MAGT1: variants seen among roughly 807,000 people sequenced by gnomAD.
The protein encoded by MAGT1 is dolichyl-diphosphooligosaccharide--protein glycosyltransferase subunit MAGT1.
In MAGT1, 4 loss-of-function variants were observed where a neutral mutation model predicts 28.4. That is an observed-to-expected ratio of 0.14 (90% CI 0.07 to 0.32). The LOEUF (loss-of-function observed/expected upper bound fraction) is 0.32. MAGT1 is among the 10% of genes least tolerant of loss of function. The probability of loss-of-function intolerance (pLI) is 1.00; values close to 1 mark genes in which losing one functional copy is unlikely to be tolerated. For missense variants in MAGT1, 193 were observed against 264.5 expected, an observed-to-expected ratio of 0.73 and a Z score of 1.88; for synonymous variants, 89 against 89.7, an observed-to-expected ratio of 0.99 and a Z score of 0.04.
chrX:77,881,587 C>A (rs1557218454), intron 1 of MAGT1, among the ~76,000 whole-genome samples: 1 of 110,365 alleles, frequency 9.1e-6, no homozygotes, highest in African/African-American at 3.3e-5. Context: ...CTACAAAGGA[C>A]ATGAACTCAT....
chrX:77,850,198 G>A (rs918979638), intron 7 of MAGT1, among the ~76,000 whole-genome samples: 4 of 110,836 alleles, frequency 3.6e-5, no homozygotes, highest in African/African-American at 1.3e-4. Flanking sequence ...AGTGGGGGCC[G>A]GGTGAGGTGG....
chrX:77,857,295 C>T, intron 4 of MAGT1, 62 bp downstream of exon 4: 3 of 1,190,197 alleles, frequency 2.5e-6, no homozygotes, highest in Non-Finnish European at 2.3e-6. Context: ...TAATTAGGGC[C>T]TCCCAGTAAG....
In MAGT1 at chrX:77,877,827, TAAAA is replaced by T. The variant is rs2077039890; in HGVS notation, c.103-2234_103-2231del. 8.6e-5 allele frequency among the ~76,000 whole-genome samples: 8 copies of T among 92,809 alleles called. No individual in the cohort carries two copies. The Admixed American group carries it at 9.8e-4, about 11-fold the overall frequency. 80.6% of individuals were successfully genotyped at this position (92,809 alleles called of 115,157 possible). The stretch of plus-strand genomic sequence containing the variant: ...GACTCTGTCTCAAAATAAAATAAAA[TAAAA>T]TAAAATAAAATAAAATAAAATAAAA... On this transcript the variant is annotated intron_variant, in intron 1 of 9. Coordinates refer to ENST00000618282, the MANE Select transcript of MAGT1 (RefSeq NM_001367916.1).
At chrX:77,883,174 AAGTCTTTGCTATTGTGAGTAGTGC>A (rs2077057960) in intron 1 of MAGT1, among the ~76,000 whole-genome samples, 2 of 103,116 alleles carry the variant, frequency 1.9e-5, no homozygotes, top group African/African-American at 7.0e-5. Context: ...GGTTGGTTCC[AAGTCTTTGCTATTGTGAGTAGTGC>A]CGCAGTAAAC....
intron 6 of MAGT1, among the ~76,000 whole-genome samples, chrX:77,855,056 G>A (rs1213992190): frequency 9.0e-6 from 1 of 111,716 alleles, no homozygotes; most frequent in African/African-American, 3.2e-5. Context: ...CTGCAGGCCT[G>A]TATTCCCAGC....
At chrX:77,890,183 A>T (rs1043996019) in intron 1 of MAGT1, among the ~76,000 whole-genome samples, 2 of 112,503 alleles carry the variant, frequency 1.8e-5, no homozygotes, top group Admixed American at 9.5e-5. Context: ...GGGTTTATTC[A>T]TAAAAATTCT....
At chrX:77,841,978 C>T (rs1366819492) in intron 7 of MAGT1, among the ~76,000 whole-genome samples, 1 of 106,897 alleles carries the variant, frequency 9.4e-6, no homozygotes, top group African/African-American at 3.4e-5. Flanking sequence ...GTGTGAATGA[C>T]CACGCCCAGC....
chrX:77,830,101 C>T (rs1324556879), intron 9 of MAGT1, among the ~76,000 whole-genome samples: 5 of 112,160 alleles, frequency 4.5e-5, no homozygotes, highest in Non-Finnish European at 9.4e-5. Flanking sequence ...GCAGGAGACT[C>T]GCTTGATGCC....
intron 1 of MAGT1, chrX:77,885,730 C>A (rs1001702884): frequency 1.1e-4 from 12 of 110,424 alleles, no homozygotes; most frequent in Non-Finnish European, 2.1e-4. Flanking sequence ...GCCTGTAATC[C>A]CAGCACTTTG....
chrX:77,889,002 G>C (rs782543486), intron 1 of MAGT1, among the ~76,000 whole-genome samples: 14 of 108,629 alleles, frequency 1.3e-4, no homozygotes, highest in African/African-American at 4.3e-4. Context: ...TTGGGACAGG[G>C]TCTGGCTCTG....
intron 7 of MAGT1, among the ~76,000 whole-genome samples, chrX:77,842,066 G>C (rs2076936557): frequency 9.2e-6 from 1 of 108,706 alleles, no homozygotes; most frequent in Admixed American, 1.0e-4. Context: ...AGGGAGAACA[G>C]TAACTACTTT....
intron 7 of MAGT1, among the ~76,000 whole-genome samples, chrX:77,842,174 C>T (rs782731600): frequency 9.1e-5 from 10 of 110,355 alleles, no homozygotes; most frequent in Non-Finnish European, 1.7e-4. Context: ...GGGCCGATTG[C>T]TTAAGTCTGG....
chrX:77,886,206 C>T (rs1557218999), intron 1 of MAGT1, among the ~76,000 whole-genome samples: 1 of 111,797 alleles, frequency 8.9e-6, no homozygotes, highest in Admixed American at 9.6e-5. Flanking sequence ...AAAATCATTA[C>T]TGATCAAAAT....
chrX:77,833,156 A>G (rs2076903961), intron 8 of MAGT1, among the ~76,000 whole-genome samples: 1 of 112,407 alleles, frequency 8.9e-6, no homozygotes, highest in Admixed American at 9.6e-5. Flanking sequence ...TCATCACAAT[A>G]GTCTATTTCA....
chrX:77,879,718 G>T (rs1557218219), intron 1 of MAGT1, among the ~76,000 whole-genome samples: 2 of 110,242 alleles, frequency 1.8e-5, no homozygotes, highest in African/African-American at 6.6e-5. Flanking sequence ...TGACTGACTT[G>T]CTTACATTAA....
intron 2 of MAGT1, among the ~76,000 whole-genome samples, chrX:77,871,306 A>C (rs2077019887): frequency 8.9e-6 from 1 of 112,803 alleles, no homozygotes; most frequent in Admixed American, 9.5e-5. Flanking sequence ...GTATTCCCTA[A>C]AGAAAGCAGA....
intron 1 of MAGT1, among the ~76,000 whole-genome samples, chrX:77,886,503 C>A (rs1367903543): frequency 9.1e-6 from 1 of 109,969 alleles, no homozygotes; most frequent in Non-Finnish European, 1.9e-5. Context: ...TCTGGCCAGG[C>A]ATAGTGGTAT....
chrX:77,869,464 C>G (rs1414922189), intron 3 of MAGT1, among the ~76,000 whole-genome samples: 1 of 112,224 alleles, frequency 8.9e-6, no homozygotes, highest in Non-Finnish European at 1.9e-5. Context: ...AGTAAACCAA[C>G]AACCCACAGA....
intron 7 of MAGT1, among the ~76,000 whole-genome samples, chrX:77,850,487 G>C (rs1182973522): frequency 2.0e-5 from 1 of 49,873 alleles, no homozygotes; most frequent in Non-Finnish European, 4.1e-5. Context: ...AAAAAAAAGG[G>C]GGGGGGGGTG....
Sources: gnomAD v4.1 joint callset for allele counts (sites outside exome capture counted in the v4.1 genomes callset) on GRCh38, gnomAD v4.1.1 for gene constraint, MANE v1.5 for transcripts, NCBI Gene and HGNC (gene_info 2026-07-23, HGNC 2026-07-21) for gene names.